TMPRSS2: variants seen among roughly 807,000 people sequenced by gnomAD.
The protein encoded by TMPRSS2 is transmembrane serine protease 2, also known as transmembrane protease serine 2.
A neutral mutation model predicts 67.4 loss-of-function variants in TMPRSS2; 59 were observed. The ratio of observed to expected loss-of-function variants is 0.88; its 90% CI spans 0.71 to 1.09. TMPRSS2 has a LOEUF of 1.09. TMPRSS2 is among the 50% of genes least tolerant of loss of function. TMPRSS2 has a pLI of 0.00. For missense variants in TMPRSS2, 668 were observed against 642.7 expected, an observed-to-expected ratio of 1.04 and a Z score of -0.43; for synonymous variants, 257 against 257.0, an observed-to-expected ratio of 1.00 and a Z score of 0.00.
intron 1 of TMPRSS2, 84 bp from the exon 2 acceptor site, chr21:41,498,273 C>T: frequency 1.1e-6 from 1 of 936,630 alleles, no homozygotes. Flanking sequence ...AGAAGAATCT[C>T]TAGATGAAGG....
chr21:41,470,054 C>G (rs555771010), intron 11 of TMPRSS2, among the ~76,000 whole-genome samples: 8 of 152,290 alleles, frequency 5.3e-5, no homozygotes, highest in Middle Eastern at 3.4e-3. Flanking sequence ...GTCTGTATGG[C>G]CTAGACGCTT....
intron 3 of TMPRSS2, among the ~76,000 whole-genome samples, chr21:41,491,521 G>A (rs535348902): frequency 6.6e-6 from 1 of 152,318 alleles, no homozygotes; most frequent in South Asian, 2.1e-4. Context: ...GGCACACGAT[G>A]TTCTCATAAC....
chr21:41,465,838 A>T lies in TMPRSS2; in HGVS notation c.*304T>A, dbSNP rs757541845. The T allele has an allele frequency of 1.7e-4, 72 of 425,174 alleles. No individual in the cohort carries two copies. Among genetic ancestry groups the T allele is most frequent in the Non-Finnish European group, 2.7e-4 (65 of 238,622 alleles). The allele number at this position is 425,174 out of a possible 1,614,324, so 26.3% of individuals were successfully genotyped here. ...ATGCTCATCCAAAATTGGCCCCTGG[A>T]AAGGACTCAGCAGGAAGATCTCAAT... On this transcript the variant is annotated 3_prime_UTR_variant, in exon 14 of 14. Coordinates refer to ENST00000332149, the MANE Select transcript of TMPRSS2 (RefSeq NM_005656.4).
At chr21:41,494,771 A>C (rs2091367729) in intron 2 of TMPRSS2, 193 bp from the exon 3 acceptor site, 1 of 719,474 alleles carries the variant, frequency 1.4e-6, no homozygotes, top group Admixed American at 2.3e-5. Context: ...GTGACAAGAT[A>C]TTAAAAAGGT....
chr21:41,493,058 G>A (rs763969932), intron 3 of TMPRSS2, among the ~76,000 whole-genome samples: 5 of 152,088 alleles, frequency 3.3e-5, no homozygotes, highest in Admixed American at 6.5e-5. Context: ...CAGCATCCCC[G>A]GTGCCTACCT....
At chr21:41,503,242 G>A (rs1263523006) in intron 1 of TMPRSS2, among the ~76,000 whole-genome samples, 1 of 152,226 alleles carries the variant, frequency 6.6e-6, no homozygotes, top group Admixed American at 6.5e-5. Context: ...TGACCTCCCA[G>A]GAGTCCAGGT....
intron 1 of TMPRSS2, among the ~76,000 whole-genome samples, chr21:41,504,444 C>CCA (rs2091444036): frequency 6.6e-6 from 1 of 152,218 alleles, no homozygotes; most frequent in South Asian, 2.1e-4. Flanking sequence ...AAGTAACCAC[C>CCA]CACACCCCTG....
chr21:41,494,223 G>A (rs2146482436), intron 3 of TMPRSS2, 133 bp downstream of exon 3: 1 of 953,960 alleles, frequency 1.0e-6, no homozygotes, highest in Non-Finnish European at 1.6e-6. Flanking sequence ...AGACAGGCTG[G>A]CTCCGGAAGA....
chr21:41,466,178 T>G (rs1191171141), intron 13 of TMPRSS2, 25 bp from the exon 14 acceptor site: 14 of 1,610,784 alleles, frequency 8.7e-6, no homozygotes, highest in Non-Finnish European at 1.2e-5. Flanking sequence ...AAAAAAAAAG[T>G]GTGTTATTTT....
At chr21:41,507,898 G>C (rs2146520714) in intron 1 of TMPRSS2, 183 bp downstream of exon 1, 2 of 1,491,860 alleles carry the variant, frequency 1.3e-6, no homozygotes, top group South Asian at 1.2e-5. Flanking sequence ...CCAGCACCCC[G>C]GGAGGCGCCC....
chr21:41,488,665 T>A, intron 4 of TMPRSS2, 152 bp from the exon 5 acceptor site: 1 of 920,056 alleles, frequency 1.1e-6, no homozygotes, highest in Non-Finnish European at 1.6e-6. Flanking sequence ...TGAGATGAAG[T>A]CTCATTCTGT....
At chr21:41,479,495 G>T (rs1443058741) in intron 6 of TMPRSS2, among the ~76,000 whole-genome samples, 1 of 152,108 alleles carries the variant, frequency 6.6e-6, no homozygotes, top group African/African-American at 2.4e-5. Context: ...TTCCTTCATT[G>T]GTCGTGTTTC....
intron 9 of TMPRSS2, among the ~76,000 whole-genome samples, chr21:41,472,691 C>T (rs923102857): frequency 2.6e-5 from 4 of 152,158 alleles, no homozygotes; most frequent in African/African-American, 4.8e-5. Context: ...TCTAAGGGCA[C>T]GCAGCAAGAG....
At chr21:41,507,619 G>A (rs980025611) in intron 1 of TMPRSS2, among the ~76,000 whole-genome samples, 3 of 152,180 alleles carry the variant, frequency 2.0e-5, no homozygotes, top group African/African-American at 7.2e-5. Flanking sequence ...TAACACTGCG[G>A]GACTGCAGAG....
At chr21:41,490,234 A>T (rs2091326039) in intron 3 of TMPRSS2, among the ~76,000 whole-genome samples, 1 of 152,022 alleles carries the variant, frequency 6.6e-6, no homozygotes, top group African/African-American at 2.4e-5. Context: ...CTAAGACCTC[A>T]TCTTGGTAAT....
At chr21:41,496,001 T>C (rs2091379106) in intron 2 of TMPRSS2, among the ~76,000 whole-genome samples, 1 of 152,122 alleles carries the variant, frequency 6.6e-6, no homozygotes, top group African/African-American at 2.4e-5. Context: ...GGAGTTAGAA[T>C]CCATTAAGCC....
chr21:41,492,673 T>C (rs1471538582), intron 3 of TMPRSS2, among the ~76,000 whole-genome samples: 1 of 152,242 alleles, frequency 6.6e-6, no homozygotes, highest in Non-Finnish European at 1.5e-5. Flanking sequence ...TACATGTAGG[T>C]TCATATTCTT....
In TMPRSS2 at chr21:41,466,013, G is replaced by A. The variant is rs911872092; in HGVS notation, c.*129C>T. On this transcript the variant is annotated 3_prime_UTR_variant, in exon 14 of 14. Transcript: ENST00000332149. ...AGAATGGCAGAGAGTGCCAAAGCCA[G>A]ACAAGTTCACTGTTTAATAAAAATG... The A allele has an allele frequency of 1.4e-5, 17 of 1,197,248 alleles. No homozygotes were observed. Among genetic ancestry groups the A allele is most frequent in the Admixed American group, 4.1e-5 (2 of 48,336 alleles). The allele number at this position is 1,197,248 out of a possible 1,614,324, so 74.2% of individuals were successfully genotyped here.
intron 12 of TMPRSS2, 75 bp from the exon 13 acceptor site, chr21:41,467,961 G>A: frequency 6.4e-7 from 1 of 1,560,408 alleles, no homozygotes; most frequent in Non-Finnish European, 8.8e-7. Context: ...CAGGCCTAGA[G>A]GAGTTGGGGG....
Sources: allele counts gnomAD v4.1 joint callset (sites outside exome capture counted in the v4.1 genomes callset), GRCh38; gene constraint gnomAD v4.1.1; transcripts MANE v1.5; gene names NCBI Gene and HGNC (gene_info 2026-07-23, HGNC 2026-07-21).